Variants in SMAD3 observed in about 807,000 individuals in gnomAD.
SMAD3 encodes the protein MAD homolog 3.
A neutral mutation model predicts 51.8 loss-of-function variants in SMAD3; 12 were observed. The observed-to-expected ratio is 0.23, with a 90% CI of 0.15 to 0.38. The LOEUF is 0.38. SMAD3 is among the 10% of genes least tolerant of loss of function. SMAD3 has a pLI of 1.00. For missense variants in SMAD3, 294 were observed against 565.6 expected (o/e 0.52, Z 4.87); for synonymous variants, 238 against 227.7 (o/e 1.05, Z -0.41).
At position 67,138,122 on chromosome 15, in the gene SMAD3, A is replaced by T. The variant is rs776585135; in HGVS notation, c.207-26773A>T. ...GGAGGTAGGAGCCCCGTGCCGGGACATGTCTTTTCTCTTTCTTGAACTCGT... is the reference window on the plus strand; with the variant it reads ...GGAGGTAGGAGCCCCGTGCCGGGACTTGTCTTTTCTCTTTCTTGAACTCGT... On this transcript the variant is annotated intron_variant, in intron 1 of 8. Coordinates refer to ENST00000327367, the MANE Select transcript of SMAD3 (RefSeq NM_005902.4). 21 of 1,536,640 alleles carry T rather than the reference A, an allele frequency of 1.4e-5. No homozygotes were observed. The African/African-American group carries it at 2.9e-4, about 21-fold the overall frequency.
Position 67,190,562 on chromosome 15 carries a change from C to T in SMAD3, c.*26C>T, listed in dbSNP as rs1963336119. The T allele has an allele frequency of 1.2e-6, 2 of 1,612,682 alleles. No homozygotes were observed. Among genetic ancestry groups the T allele is most frequent in the Admixed American group, 3.3e-5 (2 of 59,964 alleles). On this transcript the variant is annotated 3_prime_UTR_variant, in exon 9 of 9. Transcript: ENST00000327367. The stretch of plus-strand genomic sequence containing the variant: ...AGACATCAAGTATGGTAGGGGAGGG[C>T]AGGCTTGGGGAAAATGGCCATGCAG...
intron 1 of SMAD3, among the ~76,000 whole-genome samples, chr15:67,159,595 G>C (rs1471112532): frequency 6.6e-6 from 1 of 152,058 alleles, no homozygotes; most frequent in Non-Finnish European, 1.5e-5. Context: ...ATAGCAGTAA[G>C]AGAATATACA....
chr15:67,131,170 A>G (rs934876942), intron 1 of SMAD3, among the ~76,000 whole-genome samples: 2 of 152,230 alleles, frequency 1.3e-5, no homozygotes, highest in African/African-American at 2.4e-5. Flanking sequence ...TGCTATTGCC[A>G]TGTTCTCTGA....
chr15:67,153,129 G>T (rs1462013967), intron 1 of SMAD3, among the ~76,000 whole-genome samples: 1 of 152,172 alleles, frequency 6.6e-6, no homozygotes, highest in East Asian at 1.9e-4. Flanking sequence ...TACTCAGCCT[G>T]CAGGATCCCT....
chr15:67,077,938 C>G (rs1451365774), intron 1 of SMAD3: 1 of 152,204 alleles, frequency 6.6e-6, no homozygotes, highest in Non-Finnish European at 1.5e-5. Flanking sequence ...GATTTTAAAG[C>G]AGGGGAGTGG....
At chr15:67,189,319 A>G (rs1218031212) in intron 8 of SMAD3, among the ~76,000 whole-genome samples, 1 of 152,112 alleles carries the variant, frequency 6.6e-6, no homozygotes, top group Non-Finnish European at 1.5e-5. Flanking sequence ...TCCCTGCTAC[A>G]CAAGCAAAGT....
chr15:67,150,579 G>C (rs911795424), intron 1 of SMAD3, among the ~76,000 whole-genome samples: 1 of 152,180 alleles, frequency 6.6e-6, no homozygotes, highest in Non-Finnish European at 1.5e-5. Context: ...CTGACTGCAG[G>C]AGGCGGGAGG....
chr15:67,185,893 G>C (rs1224257611), intron 7 of SMAD3, among the ~76,000 whole-genome samples: 2 of 152,274 alleles, frequency 1.3e-5, no homozygotes, highest in Non-Finnish European at 2.9e-5. Flanking sequence ...TGGCACGTGT[G>C]TGGCATGCCC....
At chr15:67,086,894 CTTT>C (rs35917837) in intron 1 of SMAD3, among the ~76,000 whole-genome samples, 4 of 138,438 alleles carry the variant, frequency 2.9e-5, no homozygotes, top group Non-Finnish European at 4.6e-5. Context: ...ATATCTTCTC[CTTT>C]TTTTTTTTTT....
intron 5 of SMAD3, among the ~76,000 whole-genome samples, chr15:67,173,105 T>A (rs969981488): frequency 6.6e-6 from 1 of 152,142 alleles, no homozygotes; most frequent in Admixed American, 6.5e-5. Flanking sequence ...GATGAAGTAC[T>A]CTGAGGGTTC....
chr15:67,103,126 C>A (rs1960798473), intron 1 of SMAD3, among the ~76,000 whole-genome samples: 1 of 152,156 alleles, frequency 6.6e-6, no homozygotes, highest in Admixed American at 6.5e-5. Context: ...ATTCATCTGC[C>A]CAAATTTGAT....
intron 5 of SMAD3, among the ~76,000 whole-genome samples, chr15:67,172,763 G>A (rs1311807140): frequency 6.6e-6 from 1 of 152,196 alleles, no homozygotes; most frequent in East Asian, 1.9e-4. Context: ...TCACTCCAGA[G>A]CGTGCACTCC....
chr15:67,104,314 T>G (rs1960829246), intron 1 of SMAD3, among the ~76,000 whole-genome samples: 1 of 152,236 alleles, frequency 6.6e-6, no homozygotes, highest in Non-Finnish European at 1.5e-5. Context: ...AGGGTGTCAC[T>G]GTATACATCA....
chr15:67,101,642 G>T (rs1362423295), intron 1 of SMAD3, among the ~76,000 whole-genome samples: 1 of 152,176 alleles, frequency 6.6e-6, no homozygotes, highest in Non-Finnish European at 1.5e-5. Context: ...TGAGGATCTT[G>T]GAAGTTCAGT....
At chr15:67,185,420 A>T (rs1436713259) in intron 7 of SMAD3, among the ~76,000 whole-genome samples, 1 of 152,200 alleles carries the variant, frequency 6.6e-6, no homozygotes, top group Non-Finnish European at 1.5e-5. Context: ...CACTAGGCAC[A>T]GGGAGGGCAT....
At chr15:67,069,726 A>C (rs1302427089) in intron 1 of SMAD3, among the ~76,000 whole-genome samples, 1 of 150,042 alleles carries the variant, frequency 6.7e-6, no homozygotes, top group African/African-American at 2.5e-5. Flanking sequence ...TTTTTTTTGG[A>C]GACAGAGTCT....
chr15:67,186,344 G>T (rs1451128932), intron 7 of SMAD3, among the ~76,000 whole-genome samples: 1 of 152,164 alleles, frequency 6.6e-6, no homozygotes, highest in Non-Finnish European at 1.5e-5. Flanking sequence ...TCCATTCCCC[G>T]GCCCCACCCC....
In SMAD3 at chr15:67,130,154, C is replaced by A. The variant is rs182812879; in HGVS notation, c.207-34741C>A. Among the ~76,000 whole-genome samples, 48 of 152,294 alleles carry A rather than the reference C, an allele frequency of 3.2e-4. No homozygotes were observed. In the East Asian group the frequency reaches 8.7e-3, roughly 28 times the overall value. ...TCATTCCATTTAGTTCTCACAGCAG[C>A]CTTGCATGGTGGATGAATATCATGT... is the stretch of plus-strand genomic sequence containing the variant. On this transcript the variant is annotated intron_variant, in intron 1 of 8. Coordinates refer to ENST00000327367, the MANE Select transcript of SMAD3 (RefSeq NM_005902.4).
intron 1 of SMAD3, among the ~76,000 whole-genome samples, chr15:67,066,679 C>CCCCGCTT (rs2057603966): frequency 1.3e-5 from 2 of 152,192 alleles, no homozygotes; most frequent in Non-Finnish European, 2.9e-5. Context: ...CTCCGGGGAG[C>CCCCGCTT]TGGGGCTGGA....
Sources: allele counts gnomAD v4.1 joint callset (sites outside exome capture counted in the v4.1 genomes callset), GRCh38; gene constraint gnomAD v4.1.1; transcripts MANE v1.5; gene names NCBI Gene and HGNC (gene_info 2026-07-23, HGNC 2026-07-21).